Variants in PLPP4 observed in about 807,000 individuals in gnomAD.
PLPP4 encodes diacylglycerol pyrophosphate like 2.
PLPP4 carries 20 observed loss-of-function variants against 32.2 expected under a neutral mutation model. That is an observed-to-expected ratio of 0.62 (90% CI 0.44 to 0.90). The LOEUF (loss-of-function observed/expected upper bound fraction) is 0.90. PLPP4 is among the 40% of genes least tolerant of loss of function. The probability of loss-of-function intolerance (pLI) is 0.00; values close to 1 mark genes in which losing one functional copy is unlikely to be tolerated. For missense variants in PLPP4, 257 were observed against 353.1 expected, an observed-to-expected ratio of 0.73 and a Z score of 2.18; for synonymous variants, 127 against 133.0, an observed-to-expected ratio of 0.95 and a Z score of 0.31.
intron 5 of PLPP4, among the ~76,000 whole-genome samples, chr10:120,538,032 C>G (rs1373691439): frequency 0.049 from 2,956 of 59,804 alleles, 811 homozygotes; most frequent in Non-Finnish European, 0.079. Flanking sequence ...CTCTCTCTCT[C>G]TCTCTCTCTC....
At chr10:120,532,532 A>G (rs1026511823) in intron 5 of PLPP4, among the ~76,000 whole-genome samples, 1 of 152,152 alleles carries the variant, frequency 6.6e-6, no homozygotes, top group South Asian at 2.1e-4. Context: ...TGTCTATTGT[A>G]TATTCACAGC....
At chr10:120,521,193 T>A in intron 5 of PLPP4, 98 bp downstream of exon 5, 1 of 1,422,242 alleles carries the variant, frequency 7.0e-7, no homozygotes, top group Non-Finnish European at 9.5e-7. Flanking sequence ...GGTACAGGAA[T>A]GTTAAGCGCA....
chr10:120,586,421 G>A (rs1381043812), intron 6 of PLPP4, among the ~76,000 whole-genome samples: 1 of 151,864 alleles, frequency 6.6e-6, no homozygotes, highest in Non-Finnish European at 1.5e-5. Context: ...TAGGGGATAT[G>A]ACCTATTTTC....
intron 2 of PLPP4, among the ~76,000 whole-genome samples, chr10:120,510,972 A>G (rs990038940): frequency 1.3e-5 from 2 of 152,194 alleles, no homozygotes; most frequent in African/African-American, 4.8e-5. Context: ...CTGGGGTGGG[A>G]ACCATGGCAT....
At chr10:120,509,537 C>T (rs1328739131) in intron 2 of PLPP4, among the ~76,000 whole-genome samples, 1 of 152,148 alleles carries the variant, frequency 6.6e-6, no homozygotes, top group African/African-American at 2.4e-5. Flanking sequence ...TAATCTCTGC[C>T]AGCCTCAGTT....
At chr10:120,558,653 G>A (rs932684760) in intron 5 of PLPP4, among the ~76,000 whole-genome samples, 40 of 152,106 alleles carry the variant, frequency 2.6e-4, no homozygotes, top group African/African-American at 8.9e-4. Context: ...TCACCTTAAA[G>A]TGATCCGCCC....
At chr10:120,476,828 G>A (rs953504649) in intron 1 of PLPP4, among the ~76,000 whole-genome samples, 5 of 152,288 alleles carry the variant, frequency 3.3e-5, no homozygotes, top group South Asian at 2.1e-4. Flanking sequence ...TACCTGGCAC[G>A]CAGGGAGAAC....
At chr10:120,466,037 C>T (rs1181346308) in intron 1 of PLPP4, among the ~76,000 whole-genome samples, 2 of 151,934 alleles carry the variant, frequency 1.3e-5, no homozygotes, top group Non-Finnish European at 2.9e-5. Flanking sequence ...TAGGTATATA[C>T]ATACGGGTGG....
chr10:120,457,282 C>T lies in PLPP4; in HGVS notation c.-24C>T. On this transcript the variant is annotated 5_prime_UTR_variant, in exon 1 of 7. Transcript: ENST00000398250. ...AGCCGCGGAGAGCACCAGCTGACGC[C>T]GCGGGAGCTGCTCCGGCCGCACCAT... is the stretch of plus-strand genomic sequence containing the variant. 6.7e-7 allele frequency: 1 copy of T among 1,481,686 alleles called. No homozygotes were observed. 91.8% of individuals were successfully genotyped at this position (1,481,686 alleles called of 1,614,324 possible).
At chr10:120,510,895 C>T (rs1845699480) in intron 2 of PLPP4, among the ~76,000 whole-genome samples, 1 of 152,066 alleles carries the variant, frequency 6.6e-6, no homozygotes. Flanking sequence ...GGGCCCATTG[C>T]TTTTAGGATG....
chr10:120,578,492 T>A (rs1056814156), intron 6 of PLPP4, among the ~76,000 whole-genome samples: 17 of 152,186 alleles, frequency 1.1e-4, no homozygotes, highest in African/African-American at 3.9e-4. Flanking sequence ...ATTTTATGAC[T>A]CCATTTCAAT....
At chr10:120,553,905 A>G (rs567013981) in intron 5 of PLPP4, among the ~76,000 whole-genome samples, 1 of 152,322 alleles carries the variant, frequency 6.6e-6, no homozygotes, top group African/African-American at 2.4e-5. Flanking sequence ...AGGAGCTGCC[A>G]TGAAGGTCTC....
At chr10:120,512,562 T>C (rs1449666088) in intron 2 of PLPP4, among the ~76,000 whole-genome samples, 1 of 152,150 alleles carries the variant, frequency 6.6e-6, no homozygotes, top group Non-Finnish European at 1.5e-5. Context: ...AGTAAGGGTG[T>C]GGAGCATCTA....
intron 1 of PLPP4, among the ~76,000 whole-genome samples, chr10:120,487,320 A>G (rs1464404612): frequency 6.6e-6 from 1 of 152,194 alleles, no homozygotes; most frequent in Non-Finnish European, 1.5e-5. Flanking sequence ...ACACATTGAG[A>G]TGGGAAGGCA....
chr10:120,589,326 G>T lies in PLPP4; in HGVS notation c.640G>T (p.Gly214Cys). The T allele has an allele frequency of 6.2e-7, 1 of 1,614,088 alleles. No individual in the cohort carries two copies. The highest frequency in any genetic ancestry group is 1.1e-5 in the South Asian group (1 of 91,074). The change falls in exon 7 of 7, where the codon GGC becomes TGC. Residue 214 changes from glycine (G) to cysteine (C), a missense_variant. Coordinates refer to ENST00000398250, the MANE Select transcript of PLPP4 (RefSeq NM_001030059.3). Reference protein sequence around the residue: ...WQDSFVGGVIGLIFAYICYRQ... With the variant: ...WQDSFVGGVICLIFAYICYRQ... The stretch of plus-strand genomic sequence containing the variant: ...AGATTCCTTTGTGGGTGGAGTCATC[G>T]GCCTCATTTTTGCATACATTTGCTA...
chr10:120,586,154 A>G (rs1355272340), intron 6 of PLPP4, among the ~76,000 whole-genome samples: 2 of 145,968 alleles, frequency 1.4e-5, no homozygotes, highest in Admixed American at 1.4e-4. Flanking sequence ...TTTTTTAAAG[A>G]GATGGAGACT....
intron 6 of PLPP4, chr10:120,580,921 C>T: frequency 7.8e-7 from 1 of 1,289,308 alleles, no homozygotes; most frequent in Non-Finnish European, 1.0e-6. Flanking sequence ...ATGGCAGGGC[C>T]CACAGTCACA....
At chr10:120,567,749 G>A (rs1396848727) in intron 5 of PLPP4, among the ~76,000 whole-genome samples, 1 of 152,134 alleles carries the variant, frequency 6.6e-6, no homozygotes, top group Non-Finnish European at 1.5e-5. Flanking sequence ...GATGAAAAAT[G>A]CAACTTATTT....
At chr10:120,568,736 T>C (rs2134033641) in intron 5 of PLPP4, among the ~76,000 whole-genome samples, 1 of 152,354 alleles carries the variant, frequency 6.6e-6, no homozygotes, top group East Asian at 1.9e-4. Context: ...TTCAGATCAT[T>C]GTGGCATATA....
Sources: allele counts gnomAD v4.1 joint callset (sites outside exome capture counted in the v4.1 genomes callset), GRCh38; gene constraint gnomAD v4.1.1; transcripts MANE v1.5; gene names NCBI Gene and HGNC (gene_info 2026-07-23, HGNC 2026-07-21).